GUCY1A2: variants seen among roughly 807,000 people sequenced by gnomAD.
GUCY1A2 encodes guanylate cyclase soluble subunit alpha-2.
GUCY1A2 carries 27 observed loss-of-function variants against 63.5 expected under a neutral mutation model. The observed-to-expected ratio is 0.43, with a 90% CI of 0.31 to 0.59. GUCY1A2 has a LOEUF of 0.59. GUCY1A2 is among the 20% of genes least tolerant of loss of function. The pLI is 0.11. For missense variants in GUCY1A2, 768 were observed against 913.3 expected (o/e 0.84, Z 2.05); for synonymous variants, 364 against 343.5 (o/e 1.06, Z -0.66).
chr11:106,741,675 A>G (rs1228334977), intron 6 of GUCY1A2, among the ~76,000 whole-genome samples: 1 of 152,236 alleles, frequency 6.6e-6, no homozygotes, highest in African/African-American at 2.4e-5. Context: ...GCTTTTAACA[A>G]AAGTGTGGTG....
chr11:106,905,601 A>G (rs1377198068), intron 4 of GUCY1A2, among the ~76,000 whole-genome samples: 1 of 152,114 alleles, frequency 6.6e-6, no homozygotes. Context: ...CTTATCACTG[A>G]CAGAAAAGAA....
rs1860120571 is a variant in GUCY1A2 at position 106,900,710 on chromosome 11, T to A, written c.1206+38750A>T. ...GAATACTAAAATAAAGGGAGTCACA[T>A]GAATTTTTTTGGTTTCCTAGTGCAT... On this transcript the variant is annotated intron_variant, in intron 4 of 7. Coordinates refer to ENST00000526355, the MANE Select transcript of GUCY1A2 (RefSeq NM_000855.3). Among the ~76,000 whole-genome samples, 3 of 124,772 alleles carry A rather than the reference T, an allele frequency of 2.4e-5. No homozygotes were observed. The South Asian group carries it at 7.1e-4, about 30-fold the overall frequency. 81.9% of individuals were successfully genotyped at this position (124,772 alleles called of 152,430 possible).
chr11:106,857,904 A>T (rs543931938), intron 4 of GUCY1A2, among the ~76,000 whole-genome samples: 1 of 152,322 alleles, frequency 6.6e-6, no homozygotes, highest in Non-Finnish European at 1.5e-5. Flanking sequence ...GAACTTGAGC[A>T]TCTTTAGATT....
chr11:106,787,291 G>A (rs1007837450), intron 5 of GUCY1A2, among the ~76,000 whole-genome samples: 12 of 150,862 alleles, frequency 8.0e-5, no homozygotes, highest in Non-Finnish European at 1.5e-4. Flanking sequence ...TCCCCACTTC[G>A]CCATGACCAC....
intron 4 of GUCY1A2, chr11:106,824,698 A>G: frequency 1.8e-6 from 2 of 1,085,700 alleles, no homozygotes; most frequent in Non-Finnish European, 2.6e-6. Flanking sequence ...TATACTTAAA[A>G]AGCCAACTGA....
chr11:106,861,495 T>C (rs1859511779), intron 4 of GUCY1A2, among the ~76,000 whole-genome samples: 1 of 151,972 alleles, frequency 6.6e-6, no homozygotes, highest in African/African-American at 2.4e-5. Context: ...AACTTTCAGT[T>C]CTGAAATAAT....
chr11:106,776,502 C>T lies in GUCY1A2; in HGVS notation c.1773G>A (p.Leu591=). ...KSLCHAKPIA[L]MALKMMELSE... ...AAAGTTCCATCATCTTCAAGGCCATCAGAGCAATGGGTTTAGCATGGCAGA... is the reference window on the plus strand; with the variant it reads ...AAAGTTCCATCATCTTCAAGGCCATTAGAGCAATGGGTTTAGCATGGCAGA... The change falls in exon 6 of 8, where the codon CTG becomes CTA. Residue 591 remains leucine, a synonymous_variant. Transcript: ENST00000526355. 1 of 1,613,582 alleles carries T rather than the reference C, an allele frequency of 6.2e-7. No homozygotes were observed. The highest frequency in any genetic ancestry group is 8.5e-7 in the Non-Finnish European group (1 of 1,179,512).
At chr11:106,802,700 C>A (rs577509431) in intron 5 of GUCY1A2, among the ~76,000 whole-genome samples, 3 of 152,224 alleles carry the variant, frequency 2.0e-5, no homozygotes, top group South Asian at 2.1e-4. Context: ...TGAGGGCTCT[C>A]TTCCTAGCTT....
At chr11:106,767,415 A>T (rs1005633203) in intron 6 of GUCY1A2, among the ~76,000 whole-genome samples, 1 of 152,130 alleles carries the variant, frequency 6.6e-6, no homozygotes, top group African/African-American at 2.4e-5. Context: ...TAGCATAAAT[A>T]TGCAAATATC....
chr11:106,820,410 T>G (rs1858886251), intron 4 of GUCY1A2, among the ~76,000 whole-genome samples: 1 of 152,094 alleles, frequency 6.6e-6, no homozygotes, highest in Non-Finnish European at 1.5e-5. Flanking sequence ...AAAATATTAT[T>G]TATTTAGAGA....
At chr11:106,833,553 C>A (rs1311119689) in intron 4 of GUCY1A2, among the ~76,000 whole-genome samples, 1 of 151,982 alleles carries the variant, frequency 6.6e-6, no homozygotes, top group African/African-American at 2.4e-5. Context: ...ATTTTACTAC[C>A]TTTTCTCATT....
intron 4 of GUCY1A2, among the ~76,000 whole-genome samples, chr11:106,930,695 C>A (rs979692087): frequency 1.3e-5 from 2 of 152,128 alleles, no homozygotes; most frequent in Admixed American, 1.3e-4. Context: ...TCTCAAAATC[C>A]TTGAAAAGTA....
At chr11:106,792,315 G>A (rs1474777021) in intron 5 of GUCY1A2, among the ~76,000 whole-genome samples, 2 of 147,884 alleles carry the variant, frequency 1.4e-5, no homozygotes, top group Non-Finnish European at 3.0e-5. Context: ...GAATCCAGGA[G>A]GCAGAGGTTG....
At chr11:106,929,251 G>A (rs1271637460) in intron 4 of GUCY1A2, among the ~76,000 whole-genome samples, 1 of 152,080 alleles carries the variant, frequency 6.6e-6, no homozygotes, top group Non-Finnish European at 1.5e-5. Context: ...TGTTTTAAAG[G>A]CAGCTTTTAT....
At chr11:106,737,021 C>T (rs977315673) in intron 6 of GUCY1A2, among the ~76,000 whole-genome samples, 5 of 152,134 alleles carry the variant, frequency 3.3e-5, no homozygotes, top group African/African-American at 1.2e-4. Flanking sequence ...CTACAGAGGG[C>T]AGCTCCACTG....
chr11:106,972,505 A>G (rs1416406068), intron 3 of GUCY1A2, among the ~76,000 whole-genome samples: 1 of 152,110 alleles, frequency 6.6e-6, no homozygotes, highest in Non-Finnish European at 1.5e-5. Flanking sequence ...GCTAGACAGA[A>G]AGCTGCTAGT....
intron 6 of GUCY1A2, among the ~76,000 whole-genome samples, chr11:106,758,480 GC>G (rs1181266100): frequency 1.3e-5 from 2 of 152,162 alleles, no homozygotes; most frequent in African/African-American, 4.8e-5. Flanking sequence ...ACACTGCCCT[GC>G]TTCGGTTCGC....
chr11:106,722,760 C>T (rs1863337590), intron 6 of GUCY1A2, among the ~76,000 whole-genome samples: 1 of 150,482 alleles, frequency 6.6e-6, no homozygotes, highest in African/African-American at 2.5e-5. Flanking sequence ...AGAACTTATA[C>T]AAAATAGTCA....
intron 6 of GUCY1A2, among the ~76,000 whole-genome samples, chr11:106,714,912 A>G (rs1313729537): frequency 6.6e-6 from 1 of 152,196 alleles, no homozygotes; most frequent in African/African-American, 2.4e-5. Context: ...AAACGAGGAT[A>G]AACAGAAATA....
Sources: gnomAD v4.1 joint callset for allele counts (sites outside exome capture counted in the v4.1 genomes callset) on GRCh38, gnomAD v4.1.1 for gene constraint, MANE v1.5 for transcripts, NCBI Gene and HGNC (gene_info 2026-07-23, HGNC 2026-07-21) for gene names.